Variants in GREM1 observed in about 807,000 individuals in gnomAD.
GREM1 encodes the protein gremlin-1.
GREM1 carries 6 observed loss-of-function variants against 13.1 expected under a neutral mutation model. That is an observed-to-expected ratio of 0.46 (90% CI 0.25 to 0.91). GREM1 has a LOEUF of 0.91. GREM1 is among the 40% of genes least tolerant of loss of function. The pLI, the probability that GREM1 is intolerant of heterozygous loss-of-function variation, is 0.18. For missense variants in GREM1, 185 were observed against 233.9 expected (o/e 0.79, Z 1.36); for synonymous variants, 98 against 93.7 (o/e 1.05, Z -0.27).
chr15:32,721,191 C>G (rs1295898036), intron 1 of GREM1, among the ~76,000 whole-genome samples: 1 of 152,060 alleles, frequency 6.6e-6, no homozygotes, highest in Non-Finnish European at 1.5e-5. Context: ...CAAAAAAATG[C>G]TGGCTTTCCC....
intron 1 of GREM1, among the ~76,000 whole-genome samples, chr15:32,727,578 A>G (rs761187938): frequency 1.3e-5 from 2 of 152,064 alleles, no homozygotes; most frequent in Non-Finnish European, 2.9e-5. Flanking sequence ...CCCTTTGAAA[A>G]CCGCCACAAG....
chr15:32,735,014 A>G lies in GREM1; in HGVS notation c.*3769A>G, dbSNP rs375847967. The G allele has an allele frequency of 2.0e-5, 3 of 152,542 alleles. No homozygotes were observed. The highest frequency in any genetic ancestry group is 3.8e-4 in the East Asian group (2 of 5,276). 9.4% of individuals were successfully genotyped at this position (152,542 alleles called of 1,614,324 possible). ...GGGTGTTCCAGGGGAAAAGCAGGAG[A>G]AAGATTTGGGGCTCAGTAGAAGGAA... On this transcript the variant is annotated 3_prime_UTR_variant, in exon 2 of 2. Coordinates refer to ENST00000651154, the MANE Select transcript of GREM1 (RefSeq NM_013372.7).
rs147141645 is a variant in GREM1 at position 32,732,027 on chromosome 15, G to C, written c.*782G>C. The C allele has an allele frequency of 3.0e-3, 697 of 232,374 alleles. 3 individuals carry two copies. The highest frequency in any genetic ancestry group is 4.7e-3 in the Non-Finnish European group (511 of 108,092). 14.4% of individuals were successfully genotyped at this position (232,374 alleles called of 1,614,324 possible). The stretch of plus-strand genomic sequence containing the variant: ...GAAAGTCTTTTCCTAGTATTTAACA[G>C]AACCCAAGTGAACAGAGGAGAAATG... On this transcript the variant is annotated 3_prime_UTR_variant, in exon 2 of 2. Transcript: ENST00000651154.
chr15:32,718,288 C>CG (rs1040699236), intron 1 of GREM1, 127 bp downstream of exon 1: 1 of 701,148 alleles, frequency 1.4e-6, no homozygotes. Context: ...GCGTTGTTCG[C>CG]GGGGGTGAAT....
chr15:32,739,527 C>T lies in GREM1; in HGVS notation c.*8282C>T, dbSNP rs373062640. On this transcript the variant is annotated 3_prime_UTR_variant, in exon 2 of 2. Coordinates refer to ENST00000651154, the MANE Select transcript of GREM1 (RefSeq NM_013372.7). ...TAAATGTTTGCTTCTTCCTCTGGCA[C>T]CAACAAGTTTACTGAGCAGAAGTTT... is the stretch of plus-strand genomic sequence containing the variant. 1 of 152,318 alleles carries T rather than the reference C, an allele frequency of 6.6e-6. No homozygotes were observed. Among genetic ancestry groups the T allele is most frequent in the Non-Finnish European group, 1.5e-5 (1 of 68,038 alleles). 9.4% of individuals were successfully genotyped at this position (152,318 alleles called of 1,614,324 possible).
intron 1 of GREM1, among the ~76,000 whole-genome samples, chr15:32,724,789 G>GC (rs1275722480): frequency 2.0e-5 from 3 of 150,798 alleles, no homozygotes; most frequent in African/African-American, 2.4e-5. Context: ...CCCTTCCCTA[G>GC]CCCCCCACCC....
chr15:32,731,548 G>A lies in GREM1; in HGVS notation c.*303G>A. 1 of 430,372 alleles carries A rather than the reference G, an allele frequency of 2.3e-6. No homozygotes were observed. The highest frequency in any genetic ancestry group is 4.3e-6 in the Non-Finnish European group (1 of 233,580). The allele number at this position is 430,372 out of a possible 1,614,324, so 26.7% of individuals were successfully genotyped here. A position where few individuals can be genotyped will look rare whatever the true frequency, so the allele number is the denominator to read the frequency against. On this transcript the variant is annotated 3_prime_UTR_variant, in exon 2 of 2. Transcript: ENST00000651154. ...CCCCGGCTCACATCTAAAGGGGCGG[G>A]GCCGTGGTCTGGTTCTGACTTTGTG...
At chr15:32,718,569 G>A (rs762867622) in intron 1 of GREM1, 3 of 433,434 alleles carry the variant, frequency 6.9e-6, no homozygotes, top group Non-Finnish European at 1.4e-5. Flanking sequence ...CTGACTGCGC[G>A]GCGAGTTGCC....
rs554795702 is a variant in GREM1, at chr15:32,735,315, T to C, written c.*4070T>C. The C allele has an allele frequency of 3.3e-5, 5 of 152,332 alleles. No individual in the cohort carries two copies. The East Asian group carries it at 9.6e-4, about 29-fold the overall frequency. 9.4% of individuals were successfully genotyped at this position (152,332 alleles called of 1,614,324 possible). A position where few individuals can be genotyped will look rare whatever the true frequency, so the allele number is the denominator to read the frequency against. On this transcript the variant is annotated 3_prime_UTR_variant, in exon 2 of 2. Transcript: ENST00000651154. Reference sequence around the variant, plus strand: ...TGTATGGGATGGTTACACCAGACACTGTGCTAAGGATTTTCTTTGAATTGT... The same window carrying C: ...TGTATGGGATGGTTACACCAGACACCGTGCTAAGGATTTTCTTTGAATTGT...
chr15:32,740,948 C>A lies in GREM1; in HGVS notation c.*9703C>A, dbSNP rs111785395. On this transcript the variant is annotated 3_prime_UTR_variant, in exon 2 of 2. Coordinates refer to ENST00000651154, the MANE Select transcript of GREM1 (RefSeq NM_013372.7). ...GATTTGCCAGTGTGGTCTCATGTTA[C>A]CCCTGTGCCTAGAAAGGAAACAGGA... is the stretch of plus-strand genomic sequence containing the variant. 6.6e-6 allele frequency: 1 copy of A among 152,060 alleles called. No individual in the cohort carries two copies. The highest frequency in any genetic ancestry group is 2.4e-5 in the African/African-American group (1 of 41,378). The allele number at this position is 152,060 out of a possible 1,614,324, so 9.4% of individuals were successfully genotyped here. A position where few individuals can be genotyped will look rare whatever the true frequency, so the allele number is the denominator to read the frequency against.
chr15:32,735,238 A>G lies in GREM1; in HGVS notation c.*3993A>G, dbSNP rs1286774652. On this transcript the variant is annotated 3_prime_UTR_variant, in exon 2 of 2. Coordinates refer to ENST00000651154, the MANE Select transcript of GREM1 (RefSeq NM_013372.7). ...CCTTTCTACTTAGATATATAATACA[A>G]GATTTCTATTAGGTATGGGTGCTCT... 1 of 152,166 alleles carries G rather than the reference A, an allele frequency of 6.6e-6. No individual in the cohort carries two copies. The highest frequency in any genetic ancestry group is 1.5e-5 in the Non-Finnish European group (1 of 68,042). 9.4% of individuals were successfully genotyped at this position (152,166 alleles called of 1,614,324 possible). A position where few individuals can be genotyped will look rare whatever the true frequency, so the allele number is the denominator to read the frequency against.
chr15:32,733,421 G>A lies in GREM1; in HGVS notation c.*2176G>A. The A allele has an allele frequency of 8.7e-6, 2 of 229,448 alleles. No individual in the cohort carries two copies. Among genetic ancestry groups the A allele is most frequent in the East Asian group, 6.9e-5 (1 of 14,456 alleles). 14.2% of individuals were successfully genotyped at this position (229,448 alleles called of 1,614,324 possible). A position where few individuals can be genotyped will look rare whatever the true frequency, so the allele number is the denominator to read the frequency against. On this transcript the variant is annotated 3_prime_UTR_variant, in exon 2 of 2. Coordinates refer to ENST00000651154, the MANE Select transcript of GREM1 (RefSeq NM_013372.7). ...AACTCTGCCACAAGAATGCAATTTCGTTAACGGAGATGACTTAAGTTGGCA... is the reference window on the plus strand; with the variant it reads ...AACTCTGCCACAAGAATGCAATTTCATTAACGGAGATGACTTAAGTTGGCA...
intron 1 of GREM1, chr15:32,718,679 T>G (rs1595841340): frequency 2.8e-6 from 1 of 357,538 alleles, no homozygotes; most frequent in East Asian, 7.4e-5. Context: ...GAATCCATGA[T>G]GTGTGCATTT....
Position 32,739,360 on chromosome 15 carries a change from C to T in GREM1, c.*8115C>T, listed in dbSNP as rs1315673394. The T allele has an allele frequency of 6.6e-6, 1 of 152,198 alleles. No individual in the cohort carries two copies. Among genetic ancestry groups the T allele is most frequent in the Non-Finnish European group, 1.5e-5 (1 of 68,038 alleles). The allele number at this position is 152,198 out of a possible 1,614,324, so 9.4% of individuals were successfully genotyped here. On this transcript the variant is annotated 3_prime_UTR_variant, in exon 2 of 2. Coordinates refer to ENST00000651154, the MANE Select transcript of GREM1 (RefSeq NM_013372.7). ...ACCTCCTTGTTTATATTTATAGTTT[C>T]ATCACTGAAGTGTGCATTCCTAAAC...
rs564182798 is a variant in GREM1, at chr15:32,730,132, C to A, written c.-1-558C>A. 3.8e-4 allele frequency among the ~76,000 whole-genome samples: 58 copies of A among 152,306 alleles called. 1 individual carries two copies. In the South Asian group the frequency reaches 0.012, roughly 31 times the overall value. On this transcript the variant is annotated intron_variant, in intron 1 of 1. Transcript: ENST00000651154. ...ATAGCAAGTTACTGCACCAGGAGCG[C>A]GACCTTTCCTGTTTTGTTGTTTTCC...
At chr15:32,720,782 A>T (rs1341756436) in intron 1 of GREM1, among the ~76,000 whole-genome samples, 1 of 152,200 alleles carries the variant, frequency 6.6e-6, no homozygotes, top group African/African-American at 2.4e-5. Context: ...ATATCCATTG[A>T]CCCACTGTTA....
At chr15:32,726,391 G>C (rs2055504576) in intron 1 of GREM1, among the ~76,000 whole-genome samples, 1 of 152,150 alleles carries the variant, frequency 6.6e-6, no homozygotes, top group Non-Finnish European at 1.5e-5. Flanking sequence ...GCTCCTGAAT[G>C]ACTACTGGGT....
rs1393473034 is a variant in GREM1, at chr15:32,743,953, C to T, written c.*12708C>T. The T allele has an allele frequency of 6.6e-6, 1 of 152,168 alleles. No homozygotes were observed. The highest frequency in any genetic ancestry group is 2.4e-5 in the African/African-American group (1 of 41,422). 9.4% of individuals were successfully genotyped at this position (152,168 alleles called of 1,614,324 possible). A position where few individuals can be genotyped will look rare whatever the true frequency, so the allele number is the denominator to read the frequency against. On this transcript the variant is annotated 3_prime_UTR_variant, in exon 2 of 2. Coordinates refer to ENST00000651154, the MANE Select transcript of GREM1 (RefSeq NM_013372.7). ...TTCACGACTTAGTAACTGGCTTCCT[C>T]TAGAGTGACTAATCCAAGAGACAGC...
intron 1 of GREM1, among the ~76,000 whole-genome samples, chr15:32,727,762 C>T (rs528403168): frequency 6.6e-6 from 1 of 152,196 alleles, no homozygotes; most frequent in Admixed American, 6.5e-5. Context: ...AGCCCAAAAT[C>T]TCCTTAAGCT....
Sources: gnomAD v4.1 joint callset for allele counts (sites outside exome capture counted in the v4.1 genomes callset) on GRCh38, gnomAD v4.1.1 for gene constraint, MANE v1.5 for transcripts, NCBI Gene and HGNC (gene_info 2026-07-23, HGNC 2026-07-21) for gene names.